The following SERAC1 variants were observed in gnomAD, a reference collection of about 807,000 sequenced individuals.
SERAC1 encodes the protein serine active site containing 1, also known as protein SERAC1.
In SERAC1, 36 loss-of-function variants were observed where a neutral mutation model predicts 85.7. That is an observed-to-expected ratio of 0.42 (90% CI 0.32 to 0.55). The LOEUF (loss-of-function observed/expected upper bound fraction) is 0.55, where lower values mean the gene tolerates loss of function less well. Among genes scored for constraint, SERAC1 ranks in the 20% least tolerant of loss-of-function variants. The pLI, the probability that SERAC1 is intolerant of heterozygous loss-of-function variation, is 0.11. For synonymous variants in SERAC1, 242 were observed against 265.3 expected, an observed-to-expected ratio of 0.91 and a Z score of 0.85; for missense variants, 629 against 796.2, an observed-to-expected ratio of 0.79 and a Z score of 2.53.
chr6:158,124,877 T>G (rs1328196180), intron 10 of SERAC1, among the ~76,000 whole-genome samples: 1 of 151,586 alleles, frequency 6.6e-6, no homozygotes, highest in African/African-American at 2.4e-5. Context: ...TTTCAAATAA[T>G]GAGGTGAGAG....
At chr6:158,156,848 TA>T (rs1398243503) in intron 2 of SERAC1, among the ~76,000 whole-genome samples, 13 of 93,508 alleles carry the variant, frequency 1.4e-4, no homozygotes, top group African/African-American at 4.2e-4. Flanking sequence ...AAATATATTT[TA>T]TATATAATAA....
chr6:158,157,551 G>A (rs551073604), intron 2 of SERAC1, among the ~76,000 whole-genome samples: 1 of 152,192 alleles, frequency 6.6e-6, no homozygotes, highest in African/African-American at 2.4e-5. Context: ...CACAGTAGAT[G>A]GTCAATTAAA....
In SERAC1 at chr6:158,117,642, A is replaced by G. The variant is rs1562433984; in HGVS notation, c.1403+85T>C. The G allele has an allele frequency of 1.2e-6, 2 of 1,602,808 alleles. No homozygotes were observed. The highest frequency in any genetic ancestry group is 1.7e-5 in the Admixed American group (1 of 57,942). On this transcript the variant is annotated intron_variant, in intron 13 of 16. Coordinates refer to ENST00000647468, the MANE Select transcript of SERAC1 (RefSeq NM_032861.4). This position sits in a 1 kb window ranked among gnomAD's most constrained non-coding sequence, Gnocchi z 4.3. Reference sequence around the variant, plus strand: ...AAAATCCTGTCTGTGGCATCAAAAAATTAAAATCACTTCCCATCCAAGAGG... The same window carrying G: ...AAAATCCTGTCTGTGGCATCAAAAAGTTAAAATCACTTCCCATCCAAGAGG...
At chr6:158,121,261 A>G (rs2128412749) in intron 10 of SERAC1, among the ~76,000 whole-genome samples, 1 of 152,298 alleles carries the variant, frequency 6.6e-6, no homozygotes, top group Non-Finnish European at 1.5e-5. Context: ...GGAGAGAGAT[A>G]GGGTAGAAGA....
chr6:158,165,923 C>T (rs1424629007), intron 1 of SERAC1, among the ~76,000 whole-genome samples: 1 of 152,102 alleles, frequency 6.6e-6, no homozygotes, highest in Non-Finnish European at 1.5e-5. Flanking sequence ...TTAAGAAATC[C>T]TTCTCAGAGA....
chr6:158,149,497 A>T (rs1158805232), intron 4 of SERAC1, among the ~76,000 whole-genome samples: 2 of 152,226 alleles, frequency 1.3e-5, no homozygotes, highest in Non-Finnish European at 2.9e-5. Flanking sequence ...CAAAAACACT[A>T]ACTACAAAAA....
chr6:158,131,557 C>A (rs928091866), intron 8 of SERAC1, among the ~76,000 whole-genome samples: 8 of 150,928 alleles, frequency 5.3e-5, no homozygotes, highest in Non-Finnish European at 1.0e-4. Context: ...GAGAGGCGTG[C>A]ACACTGAAAG....
intron 9 of SERAC1, 107 bp from the exon 10 acceptor site, chr6:158,128,377 G>T: frequency 1.0e-6 from 1 of 990,868 alleles, no homozygotes. Flanking sequence ...CTCAAGGGCA[G>T]GGATGCAGGG....
intron 2 of SERAC1, among the ~76,000 whole-genome samples, chr6:158,157,220 C>G (rs1197543653): frequency 6.6e-6 from 1 of 151,842 alleles, no homozygotes; most frequent in Non-Finnish European, 1.5e-5. Flanking sequence ...TGGTCTTGAA[C>G]TCCTGACTTC....
intron 3 of SERAC1, among the ~76,000 whole-genome samples, chr6:158,154,812 A>G (rs1785286677): frequency 6.6e-6 from 1 of 152,156 alleles, no homozygotes; most frequent in South Asian, 2.1e-4. Flanking sequence ...ACCTAATACC[A>G]GATGTGACCC....
intron 3 of SERAC1, among the ~76,000 whole-genome samples, chr6:158,152,479 A>G (rs1439884310): frequency 2.0e-5 from 3 of 151,910 alleles, no homozygotes; most frequent in Non-Finnish European, 2.9e-5. Flanking sequence ...TCATGCCACT[A>G]CACTCCAGCC....
At chr6:158,139,834 A>C (rs891060021) in intron 8 of SERAC1, among the ~76,000 whole-genome samples, 4 of 152,276 alleles carry the variant, frequency 2.6e-5, no homozygotes, top group Admixed American at 2.6e-4. Context: ...ACAGCACGTG[A>C]AAAGATGCCC....
At chr6:158,116,071 G>C (rs1451967635) in intron 14 of SERAC1, 114 bp downstream of exon 14, 5 of 751,958 alleles carry the variant, frequency 6.6e-6, no homozygotes, top group South Asian at 1.6e-5. Context: ...TTTAGCAGGG[G>C]GGGTAAGGGA....
chr6:158,151,536 C>T (rs1332760063), intron 3 of SERAC1, among the ~76,000 whole-genome samples: 2 of 152,262 alleles, frequency 1.3e-5, no homozygotes, highest in African/African-American at 2.4e-5. Flanking sequence ...ATTCTCTCAC[C>T]TCAGCCTCCC....
At chr6:158,167,223 TA>T (rs34350104) in intron 1 of SERAC1, among the ~76,000 whole-genome samples, 18,985 of 101,468 alleles carry the variant, frequency 0.19, 1,917 homozygotes, top group African/African-American at 0.32. Flanking sequence ...CACACGATGT[TA>T]AAAAAAAAAA....
Position 158,128,265 on chromosome 6 carries a change from G to A in SERAC1, c.858C>T (p.Ser286=). ...LEAIVKHSEI[S]THCDKIEANG... The stretch of plus-strand genomic sequence containing the variant: ...TTGCTTCGATTTTATCACAATGTGT[G>A]GATATCTGGCACAATAAATAAACAG... The change falls in exon 10 of 17, where the codon TCC becomes TCT. Residue 286 remains serine, a synonymous_variant. Coordinates refer to ENST00000647468, the MANE Select transcript of SERAC1 (RefSeq NM_032861.4). 1 of 1,613,312 alleles carries A rather than the reference G, an allele frequency of 6.2e-7. No individual in the cohort carries two copies. Among genetic ancestry groups the A allele is most frequent in the Non-Finnish European group, 8.5e-7 (1 of 1,179,736 alleles).
chr6:158,116,577 G>GTAAC (rs1784296020), intron 13 of SERAC1: 1 of 305,360 alleles, frequency 3.3e-6, no homozygotes, highest in Non-Finnish European at 6.3e-6. Context: ...TTCTCTATTT[G>GTAAC]TAACTTATTA....
rs755495765 is a variant in SERAC1 at position 158,130,365 on chromosome 6, T to G, written c.852+8A>C. On this transcript the variant is annotated splice_region_variant and intron_variant, in intron 9 of 16. Transcript: ENST00000647468. The stretch of plus-strand genomic sequence containing the variant: ...AAAAGTAAACTACATTTTGAAAATG[T>G]AAATTACCTCAGAATGTTTTACTAT... The G allele has an allele frequency of 6.2e-6, 9 of 1,440,926 alleles. No homozygotes were observed. The South Asian group carries it at 9.9e-5, about 16-fold the overall frequency. 89.3% of individuals were successfully genotyped at this position (1,440,926 alleles called of 1,614,324 possible). A position where few individuals can be genotyped will look rare whatever the true frequency, so the allele number is the denominator to read the frequency against.
chr6:158,138,674 C>A (rs968147297), intron 8 of SERAC1, among the ~76,000 whole-genome samples: 2 of 152,020 alleles, frequency 1.3e-5, no homozygotes, highest in African/African-American at 4.8e-5. Context: ...CTATAAATAG[C>A]CTGGTCCCAA....
Sources: gnomAD v4.1 joint callset for allele counts (sites outside exome capture counted in the v4.1 genomes callset) on GRCh38, gnomAD v4.1.1 for gene constraint, Gnocchi (gnomAD v3.1) non-coding constraint, MANE v1.5 for transcripts, NCBI Gene and HGNC (gene_info 2026-07-23, HGNC 2026-07-21) for gene names.